CD96: variants seen among roughly 807,000 people sequenced by gnomAD.
CD96 encodes the protein T-cell surface protein tactile.
A neutral mutation model predicts 71.3 loss-of-function variants in CD96; 70 were observed. The ratio of observed to expected loss-of-function variants is 0.98; its 90% CI spans 0.81 to 1.20. CD96 has a LOEUF of 1.20. CD96 is among the 50% of genes most tolerant of loss of function. The pLI is 0.00. For synonymous variants in CD96, 248 were observed against 233.0 expected, an observed-to-expected ratio of 1.06 and a Z score of -0.59; for missense variants, 742 against 677.5, an observed-to-expected ratio of 1.10 and a Z score of -1.06.
chr3:111,564,427 T>C (rs1445681488), intron 2 of CD96, among the ~76,000 whole-genome samples: 3 of 152,064 alleles, frequency 2.0e-5, no homozygotes, highest in Non-Finnish European at 4.4e-5. Flanking sequence ...TCTGTGTTTC[T>C]GGTTTCATTC....
intron 12 of CD96, among the ~76,000 whole-genome samples, chr3:111,643,346 A>G (rs1029722090): frequency 9.2e-5 from 14 of 152,186 alleles, no homozygotes; most frequent in African/African-American, 3.4e-4. Flanking sequence ...AATAAAAACC[A>G]TCTATGACAA....
chr3:111,553,546 A>C (rs929898789), intron 2 of CD96, among the ~76,000 whole-genome samples: 2 of 150,518 alleles, frequency 1.3e-5, no homozygotes, highest in Non-Finnish European at 3.0e-5. Flanking sequence ...GCCTACATCC[A>C]TTAAATCATT....
chr3:111,633,112 T>C (rs894935680), intron 10 of CD96, among the ~76,000 whole-genome samples: 2 of 152,208 alleles, frequency 1.3e-5, no homozygotes, highest in African/African-American at 4.8e-5. Flanking sequence ...TTCTCTTCCT[T>C]TCCTTTGAAT....
At chr3:111,607,630 A>G (rs574411738) in intron 8 of CD96, among the ~76,000 whole-genome samples, 1 of 152,364 alleles carries the variant, frequency 6.6e-6, no homozygotes, top group African/African-American at 2.4e-5. Context: ...ATGAGAACTG[A>G]AAATGGAATA....
intron 14 of CD96, among the ~76,000 whole-genome samples, chr3:111,661,238 C>T (rs1434068522): frequency 6.6e-6 from 1 of 152,186 alleles, no homozygotes; most frequent in Admixed American, 6.5e-5. Flanking sequence ...GGGACACCCA[C>T]TTCCATGATC....
intron 2 of CD96, among the ~76,000 whole-genome samples, chr3:111,556,219 T>A (rs376428327): frequency 4.9e-5 from 2 of 40,718 alleles, no homozygotes; most frequent in African/African-American, 1.6e-4. Context: ...TTTTTTTTAT[T>A]ATACTTTAAG....
rs371599383 is a variant in CD96 at position 111,613,785 on chromosome 3, T to G, written c.1180+6993T>G. On this transcript the variant is annotated intron_variant, in intron 8 of 13. Transcript: ENST00000352690. Reference sequence around the variant, plus strand: ...TTTCTATTTGAGACAATAAGTTAAATTTTTAGGTTCAGTTTTACATTGGAA... The same window carrying G: ...TTTCTATTTGAGACAATAAGTTAAAGTTTTAGGTTCAGTTTTACATTGGAA... Among the ~76,000 whole-genome samples, 6 of 152,130 alleles carry G rather than the reference T, an allele frequency of 3.9e-5. No homozygotes were observed. In the East Asian group the frequency reaches 1.2e-3, roughly 29 times the overall value.
At chr3:111,589,930 C>T (rs1362467478) in intron 5 of CD96, among the ~76,000 whole-genome samples, 10 of 152,170 alleles carry the variant, frequency 6.6e-5, no homozygotes, top group Admixed American at 6.5e-4. Context: ...ATATCTAAAA[C>T]TGGAATAATA....
rs1376886954 is a variant in CD96 at position 111,594,559 on chromosome 3, GCATCAACCA to G, written c.808-3559_808-3551del. 1.9e-4 allele frequency: 41 copies of G among 220,620 alleles called. 1 individual carries two copies. The highest frequency in any genetic ancestry group is 8.9e-4 in the African/African-American group (39 of 43,728). The allele number at this position is 220,620 out of a possible 1,614,324, so 13.7% of individuals were successfully genotyped here. A position where few individuals can be genotyped will look rare whatever the true frequency, so the allele number is the denominator to read the frequency against. ...CTCTTTGATGAACTCAGTGTTTTCT[GCATCAACCA>G]CCACGACAGGTATTTTTGAATATTG... On this transcript the variant is annotated intron_variant, in intron 5 of 13. Coordinates refer to ENST00000352690, the MANE Select transcript of CD96 (RefSeq NM_005816.5).
Position 111,566,204 on chromosome 3 carries a change from T to C in CD96, c.419-1319T>C, listed in dbSNP as rs539092984. 4.1e-4 allele frequency among the ~76,000 whole-genome samples: 62 copies of C among 151,886 alleles called. No homozygotes were observed. In the East Asian group the frequency reaches 0.012, roughly 29 times the overall value. The stretch of plus-strand genomic sequence containing the variant: ...TATATATATATATTCACAATGTTAG[T>C]AGCAATAAGAATGTTCATACTCAAT... On this transcript the variant is annotated intron_variant, in intron 2 of 13. Transcript: ENST00000352690.
In CD96 at chr3:111,545,414, T is replaced by A. The variant is rs1177595663; in HGVS notation, c.418+12T>A. On this transcript the variant is annotated intron_variant, in intron 2 of 13. Transcript: ENST00000352690. ...CATTCAGACACACGGTAAGCATAAC[T>A]GGTAGAGGGATGTGCTTTCATTCAG... 1.4e-6 allele frequency: 2 copies of A among 1,458,342 alleles called. No individual in the cohort carries two copies. Among genetic ancestry groups the A allele is most frequent in the Non-Finnish European group, 1.9e-6 (2 of 1,038,202 alleles). The allele number at this position is 1,458,342 out of a possible 1,614,324, so 90.3% of individuals were successfully genotyped here. A position where few individuals can be genotyped will look rare whatever the true frequency, so the allele number is the denominator to read the frequency against.
intron 12 of CD96, among the ~76,000 whole-genome samples, chr3:111,643,785 C>A (rs1297248561): frequency 6.7e-6 from 1 of 149,162 alleles, no homozygotes; most frequent in Admixed American, 6.7e-5. Flanking sequence ...ACAAAGGAGT[C>A]TAAATTCCTC....
chr3:111,597,117 A>T (rs1937294205), intron 5 of CD96, among the ~76,000 whole-genome samples: 1 of 152,232 alleles, frequency 6.6e-6, no homozygotes, highest in Admixed American at 6.5e-5. Context: ...TGTTCTTTAC[A>T]TGTTAACTAG....
chr3:111,567,675 C>A (rs1337723704), intron 3 of CD96, 28 bp downstream of exon 3: 5 of 1,592,752 alleles, frequency 3.1e-6, no homozygotes, highest in African/African-American at 1.3e-5. Flanking sequence ...CAGTGAATAA[C>A]CTCAATGGTC....
chr3:111,615,703 T>G (rs974494084), intron 8 of CD96, among the ~76,000 whole-genome samples: 2 of 152,178 alleles, frequency 1.3e-5, no homozygotes, highest in Non-Finnish European at 2.9e-5. Context: ...GATACTGATG[T>G]AAACAAAACC....
chr3:111,629,080 T>A (rs1057060562), intron 10 of CD96, among the ~76,000 whole-genome samples: 1 of 152,136 alleles, frequency 6.6e-6, no homozygotes, highest in Non-Finnish European at 1.5e-5. Flanking sequence ...TACAGGCCAT[T>A]GACATTATGA....
At chr3:111,631,384 T>A (rs572279958) in intron 10 of CD96, among the ~76,000 whole-genome samples, 1 of 151,998 alleles carries the variant, frequency 6.6e-6, no homozygotes, top group Non-Finnish European at 1.5e-5. Context: ...CATGAATGAA[T>A]TCCCATTCAC....
At chr3:111,561,983 C>A (rs1302848874) in intron 2 of CD96, among the ~76,000 whole-genome samples, 1 of 151,668 alleles carries the variant, frequency 6.6e-6, no homozygotes, top group Non-Finnish European at 1.5e-5. Flanking sequence ...CAGGTGCGTC[C>A]GTCACCCCTT....
At chr3:111,589,736 A>G (rs1391359412) in intron 5 of CD96, among the ~76,000 whole-genome samples, 4 of 152,226 alleles carry the variant, frequency 2.6e-5, no homozygotes, top group African/African-American at 9.6e-5. Flanking sequence ...TGGCTGAGTC[A>G]CTAATAAGGG....
Sources: allele counts gnomAD v4.1 joint callset (sites outside exome capture counted in the v4.1 genomes callset), GRCh38; gene constraint gnomAD v4.1.1; transcripts MANE v1.5; gene names NCBI Gene and HGNC (gene_info 2026-07-23, HGNC 2026-07-21).